Variants in RBFOX3 observed in about 807,000 individuals in gnomAD.
RBFOX3 encodes the protein RNA binding protein fox-1 homolog 3.
A neutral mutation model predicts 48.7 loss-of-function variants in RBFOX3; 17 were observed. The ratio of observed to expected loss-of-function variants is 0.35; its 90% CI spans 0.24 to 0.52. RBFOX3 has a LOEUF of 0.52. Ranked by LOEUF, RBFOX3 falls within the 20% of genes least tolerant of loss-of-function variation. The probability of loss-of-function intolerance (pLI) is 0.94; values close to 1 mark genes in which losing one functional copy is unlikely to be tolerated. For synonymous variants in RBFOX3, 212 were observed against 209.5 expected, an observed-to-expected ratio of 1.01 and a Z score of -0.10; for missense variants, 382 against 497.5, an observed-to-expected ratio of 0.77 and a Z score of 2.21.
chr17:79,645,078 C>T, the RBFOX3 span, among the ~76,000 whole-genome samples: 1 of 152,202 alleles, frequency 6.6e-6, no homozygotes, highest in African/African-American at 2.4e-5. Context: ...TACTCAGAGT[C>T]TAATCACTTC....
chr17:79,644,100 T>A, the RBFOX3 span, among the ~76,000 whole-genome samples: 1 of 152,166 alleles, frequency 6.6e-6, no homozygotes, highest in East Asian at 1.9e-4. Flanking sequence ...TTCAACTATT[T>A]AAATGAGATG....
At chr17:79,414,513 G>T (rs191527760) in intron 2 of RBFOX3, among the ~76,000 whole-genome samples, 8 of 152,290 alleles carry the variant, frequency 5.3e-5, no homozygotes, top group Admixed American at 2.0e-4. Context: ...CAGGGCGAAA[G>T]CTCCCCGTGA....
Position 79,361,741 on chromosome 17 carries a change from G to A in RBFOX3, c.-174-53917C>T, listed in dbSNP as rs1299794354. ...GTGTGTGCACACGTGTGTGCGCTGT[G>A]CAGGGGTACCCAGTGTAACTGCCTG... is the stretch of plus-strand genomic sequence containing the variant. On this transcript the variant is annotated intron_variant, in intron 2 of 14. Coordinates refer to ENST00000693108, the MANE Select transcript of RBFOX3 (RefSeq NM_001350451.2). The surrounding 1 kb of genome is among the most constrained non-coding windows in gnomAD (Gnocchi z 4.5). Among the ~76,000 whole-genome samples, 1 of 152,234 alleles carries A rather than the reference G, an allele frequency of 6.6e-6. No homozygotes were observed. The highest frequency in any genetic ancestry group is 2.4e-5 in the African/African-American group (1 of 41,454).
chr17:79,510,866 G>A (rs947234135), intron 1 of RBFOX3, among the ~76,000 whole-genome samples: 48 of 152,090 alleles, frequency 3.2e-4, no homozygotes, highest in Admixed American at 6.5e-4. Context: ...CAGGGGCCTC[G>A]CTCTACCTTC....
chr17:79,634,665 C>T, the RBFOX3 span, among the ~76,000 whole-genome samples: 11 of 152,084 alleles, frequency 7.2e-5, no homozygotes, highest in African/African-American at 2.4e-4. Context: ...CCTAAGACAA[C>T]GGGAGGGAGC....
chr17:79,358,994 C>A (rs2085776665), intron 2 of RBFOX3, among the ~76,000 whole-genome samples: 1 of 152,252 alleles, frequency 6.6e-6, no homozygotes, highest in Non-Finnish European at 1.5e-5. Flanking sequence ...GAAGCTGCCC[C>A]CTGCCCCACA....
intron 4 of RBFOX3, among the ~76,000 whole-genome samples, chr17:79,232,891 G>A (rs960349858): frequency 5.3e-5 from 8 of 152,326 alleles, no homozygotes; most frequent in Middle Eastern, 3.4e-3. Context: ...CTGAAGAACT[G>A]CAATTCTCAC....
At chr17:79,288,781 A>ACC (rs144532730) in intron 3 of RBFOX3, among the ~76,000 whole-genome samples, 1 of 148,072 alleles carries the variant, frequency 6.8e-6, no homozygotes, top group African/African-American at 2.5e-5. Context: ...AAATATAATG[A>ACC]CCCCCCCAAT....
At chr17:79,652,029 C>G in the RBFOX3 span, among the ~76,000 whole-genome samples, 1 of 151,936 alleles carries the variant, frequency 6.6e-6, no homozygotes, top group Non-Finnish European at 1.5e-5. Flanking sequence ...CCCTGGCAAA[C>G]ATATTGACTG....
At chr17:79,475,869 T>A (rs1237326512) in intron 2 of RBFOX3, among the ~76,000 whole-genome samples, 1 of 152,158 alleles carries the variant, frequency 6.6e-6, no homozygotes, top group Non-Finnish European at 1.5e-5. Flanking sequence ...GGACAGTTTC[T>A]CCCTGAGAAG....
At chr17:79,447,932 T>C (rs895996151) in intron 2 of RBFOX3, among the ~76,000 whole-genome samples, 9 of 152,132 alleles carry the variant, frequency 5.9e-5, no homozygotes, top group African/African-American at 2.2e-4. Context: ...GTTCTCATGA[T>C]AGTGAGTGAG....
At chr17:79,523,394 C>T (rs2086376240) in intron 1 of RBFOX3, among the ~76,000 whole-genome samples, 2 of 152,134 alleles carry the variant, frequency 1.3e-5, no homozygotes, top group African/African-American at 4.8e-5. Context: ...CCACCAAACC[C>T]CACTGTGTTT....
chr17:79,138,709 A>ACGCCCCCCT (rs2040960794), intron 4 of RBFOX3, among the ~76,000 whole-genome samples: 1 of 48,266 alleles, frequency 2.1e-5, no homozygotes, highest in African/African-American at 1.2e-4. Context: ...ACATGCGTTC[A>ACGCCCCCCT]CACCCCCTCA....
At chr17:79,297,940 C>CT (rs1242271583) in intron 3 of RBFOX3, among the ~76,000 whole-genome samples, 4 of 152,238 alleles carry the variant, frequency 2.6e-5, no homozygotes, top group African/African-American at 9.6e-5. Context: ...ACGCGTGTGT[C>CT]TGGGAAGATG....
chr17:79,570,360 T>C (rs2144524764), intron 1 of RBFOX3, among the ~76,000 whole-genome samples: 1 of 152,214 alleles, frequency 6.6e-6, no homozygotes, highest in South Asian at 2.1e-4. Context: ...GATGGATGAA[T>C]GGTAGATGGA....
chr17:79,213,529 A>C (rs547545253), intron 4 of RBFOX3, among the ~76,000 whole-genome samples: 36 of 152,124 alleles, frequency 2.4e-4, no homozygotes, highest in Non-Finnish European at 3.8e-4. Flanking sequence ...CCCGCCAACC[A>C]GTGGGGCCCA....
At chr17:79,603,363 C>A (rs1460472117) in intron 1 of RBFOX3, among the ~76,000 whole-genome samples, 3 of 152,178 alleles carry the variant, frequency 2.0e-5, no homozygotes, top group African/African-American at 7.2e-5. Flanking sequence ...ATTGAGGGGA[C>A]ACAGCACAGG....
chr17:79,325,508 C>T (rs1006048732), intron 2 of RBFOX3, among the ~76,000 whole-genome samples: 2 of 152,156 alleles, frequency 1.3e-5, no homozygotes. Context: ...CCTCAATCCT[C>T]CATGTGGGAG....
chr17:79,227,825 T>C (rs966376580), intron 4 of RBFOX3, among the ~76,000 whole-genome samples: 22 of 152,306 alleles, frequency 1.4e-4, no homozygotes, highest in African/African-American at 5.1e-4. Flanking sequence ...GAGCTGGTAA[T>C]GCCAAGGCCA....
Sources: gnomAD v4.1 joint callset for allele counts (sites outside exome capture counted in the v4.1 genomes callset) on GRCh38, gnomAD v4.1.1 for gene constraint, Gnocchi (gnomAD v3.1) non-coding constraint, MANE v1.5 for transcripts, NCBI Gene and HGNC (gene_info 2026-07-23, HGNC 2026-07-21) for gene names.